CLASP1: variants seen among roughly 807,000 people sequenced by gnomAD.
The protein encoded by CLASP1 is CLIP-associating protein 1.
CLASP1 carries 38 observed loss-of-function variants against 192.3 expected under a neutral mutation model. The observed-to-expected ratio is 0.20, with a 90% CI of 0.15 to 0.26. The LOEUF is 0.26. Ranked by LOEUF, CLASP1 falls within the 10% of genes least tolerant of loss-of-function variation. The probability of loss-of-function intolerance (pLI) is 1.00; values close to 1 mark genes in which losing one functional copy is unlikely to be tolerated. For missense variants in CLASP1, 1,433 were observed against 1,932.5 expected (o/e 0.74, Z 4.85); for synonymous variants, 691 against 712.8 (o/e 0.97, Z 0.49).
At chr2:121,505,403 ATTCCCTCCGCT>A (rs1437229749) in intron 7 of CLASP1, 1 of 152,132 alleles carries the variant, frequency 6.6e-6, no homozygotes, top group Admixed American at 6.5e-5. Flanking sequence ...TTAATTCAGA[ATTCCCTCCGCT>A]TTTACTCTCC....
intron 2 of CLASP1, among the ~76,000 whole-genome samples, chr2:121,603,470 C>G (rs1434658942): frequency 6.6e-6 from 1 of 152,178 alleles, no homozygotes; most frequent in African/African-American, 2.4e-5. Flanking sequence ...CTCTTATACA[C>G]TGCTGGTGGG....
At chr2:121,421,176 A>G (rs574328810) in intron 22 of CLASP1, among the ~76,000 whole-genome samples, 1 of 152,368 alleles carries the variant, frequency 6.6e-6, no homozygotes, top group East Asian at 1.9e-4. Context: ...AATTTAAAAT[A>G]CAAGAGAAAT....
intron 19 of CLASP1, among the ~76,000 whole-genome samples, chr2:121,430,559 T>G (rs934016627): frequency 6.6e-6 from 1 of 152,002 alleles, no homozygotes; most frequent in African/African-American, 2.4e-5. Flanking sequence ...CTGACAAATT[T>G]CCAAAAACAG....
At chr2:121,361,506 G>A (rs1024479062) in intron 37 of CLASP1, among the ~76,000 whole-genome samples, 3 of 152,160 alleles carry the variant, frequency 2.0e-5, no homozygotes, top group African/African-American at 7.2e-5. Flanking sequence ...AGTTCCTCTA[G>A]GACAAGCTTG....
At chr2:121,588,922 C>T (rs914193690) in intron 2 of CLASP1, among the ~76,000 whole-genome samples, 1 of 152,188 alleles carries the variant, frequency 6.6e-6, no homozygotes, top group Non-Finnish European at 1.5e-5. Flanking sequence ...TCCCCGGCTA[C>T]AATGCATAGG....
intron 2 of CLASP1, among the ~76,000 whole-genome samples, chr2:121,570,587 T>C (rs773958391): frequency 1.1e-4 from 16 of 152,344 alleles, no homozygotes; most frequent in Middle Eastern, 3.4e-3. Flanking sequence ...GTTTTCAATA[T>C]CAGGGAGCCC....
At chr2:121,630,860 C>CAAA (rs35476221) in intron 1 of CLASP1, among the ~76,000 whole-genome samples, 1 of 78,462 alleles carries the variant, frequency 1.3e-5, no homozygotes, top group Non-Finnish European at 3.1e-5. Context: ...AACTACGTCT[C>CAAA]AAAAAAAAAA....
At chr2:121,448,522 TACAG>T (rs2084809276) in intron 17 of CLASP1, among the ~76,000 whole-genome samples, 197 bp from the exon 18 acceptor site, 1 of 152,202 alleles carries the variant, frequency 6.6e-6, no homozygotes, top group Non-Finnish European at 1.5e-5. Context: ...GCCTTTCAAA[TACAG>T]AGAGTGAAAT....
At chr2:121,349,087 A>C (rs111229212) in intron 37 of CLASP1, among the ~76,000 whole-genome samples, 7,794 of 152,090 alleles carry the variant, frequency 0.051, 670 homozygotes, top group African/African-American at 0.18. Flanking sequence ...AAAAATACAA[A>C]AAATTAGCCG....
chr2:121,587,782 G>A (rs921239523), intron 2 of CLASP1, among the ~76,000 whole-genome samples: 1 of 151,204 alleles, frequency 6.6e-6, no homozygotes, highest in African/African-American at 2.4e-5. Flanking sequence ...AGTGAGCTGA[G>A]ATCGCACCAC....
chr2:121,359,475 G>T (rs374851321), intron 37 of CLASP1, among the ~76,000 whole-genome samples: 1 of 152,244 alleles, frequency 6.6e-6, no homozygotes, highest in South Asian at 2.1e-4. Flanking sequence ...CAAAGGAGAG[G>T]TTCTGTACCA....
At chr2:121,574,800 G>A (rs1039339678) in intron 2 of CLASP1, among the ~76,000 whole-genome samples, 1 of 151,996 alleles carries the variant, frequency 6.6e-6, no homozygotes, top group Non-Finnish European at 1.5e-5. Flanking sequence ...AGCTGGGCGT[G>A]GTGGCATGTG....
At chr2:121,589,267 T>C (rs931266311) in intron 2 of CLASP1, among the ~76,000 whole-genome samples, 2 of 152,192 alleles carry the variant, frequency 1.3e-5, no homozygotes, top group Admixed American at 1.3e-4. Context: ...AAACATTCTT[T>C]AGTTTAGGCT....
intron 7 of CLASP1, 39 bp downstream of exon 7, chr2:121,515,626 G>C: frequency 6.8e-7 from 1 of 1,479,830 alleles, no homozygotes. Context: ...GGGGCGGGGG[G>C]TTGGGTAGAG....
intron 8 of CLASP1, among the ~76,000 whole-genome samples, chr2:121,492,968 T>C (rs1332353792): frequency 2.6e-5 from 4 of 152,194 alleles, no homozygotes; most frequent in Non-Finnish European, 5.9e-5. Context: ...TCTGTGACTA[T>C]ACTAAAAATA....
intron 14 of CLASP1, 62 bp downstream of exon 14, chr2:121,457,625 T>C: frequency 2.3e-6 from 3 of 1,287,640 alleles, no homozygotes; most frequent in African/African-American, 1.5e-5. Context: ...TGGAAGGAGA[T>C]TTGGAATTTG....
intron 1 of CLASP1, among the ~76,000 whole-genome samples, chr2:121,631,171 A>AG (rs1011511634): frequency 3.3e-5 from 5 of 150,774 alleles, no homozygotes; most frequent in Admixed American, 6.6e-5. Context: ...AAAAAAAAAA[A>AG]AAAAAAAAAA....
rs188759619 is a variant in CLASP1, at chr2:121,506,923, C to T, written c.645-3689G>A. 1.1e-3 allele frequency among the ~76,000 whole-genome samples: 162 copies of T among 152,104 alleles called. 1 individual carries two copies. The highest frequency in any genetic ancestry group is 6.8e-3 in the Middle Eastern group (2 of 294). On this transcript the variant is annotated intron_variant, in intron 7 of 39. Coordinates refer to ENST00000263710, the Ensembl canonical transcript of CLASP1. The stretch of plus-strand genomic sequence containing the variant: ...AAAGTCACTAGAACAAAATAAGCAA[C>T]AAAAACAATAAAAAGCAACAACAAA...
At chr2:121,449,254 G>A in intron 16 of CLASP1, 134 bp from the exon 17 acceptor site, 2 of 695,946 alleles carry the variant, frequency 2.9e-6, no homozygotes, top group Non-Finnish European at 4.7e-6. Flanking sequence ...CAGGAGGAGA[G>A]GGTAAACAAA....
Sources: allele counts gnomAD v4.1 joint callset (sites outside exome capture counted in the v4.1 genomes callset), GRCh38; gene constraint gnomAD v4.1.1; transcripts MANE v1.5; gene names NCBI Gene and HGNC (gene_info 2026-07-23, HGNC 2026-07-21).